The following ABHD17B variants were observed in gnomAD, a reference collection of about 807,000 sequenced individuals.
ABHD17B encodes abhydrolase domain containing 17B, depalmitoylase, also known as alpha/beta hydrolase domain-containing protein 17B.
ABHD17B carries 9 observed loss-of-function variants against 26.2 expected under a neutral mutation model. That is an observed-to-expected ratio of 0.34 (90% confidence interval 0.21 to 0.60). ABHD17B has a LOEUF of 0.60. ABHD17B is among the 20% of genes least tolerant of loss of function. ABHD17B has a pLI of 0.80. For missense variants in ABHD17B, 224 were observed against 352.1 expected (o/e 0.64, Z 2.91); for synonymous variants, 127 against 122.3 (o/e 1.04, Z -0.25).
intron 1 of ABHD17B, among the ~76,000 whole-genome samples, chr9:71,885,888 T>C (rs956716047): frequency 3.9e-5 from 6 of 152,306 alleles, no homozygotes; most frequent in East Asian, 3.9e-4. Context: ...CTAATTATTA[T>C]AAGGTTTAAG....
intron 1 of ABHD17B, among the ~76,000 whole-genome samples, chr9:71,903,613 A>C (rs1031880623): frequency 6.6e-6 from 1 of 152,240 alleles, no homozygotes; most frequent in Non-Finnish European, 1.5e-5. Flanking sequence ...AAGACATTCT[A>C]TAAGTACAAA....
intron 1 of ABHD17B, among the ~76,000 whole-genome samples, chr9:71,887,893 A>T (rs1281878569): frequency 2.0e-5 from 3 of 152,198 alleles, no homozygotes; most frequent in African/African-American, 7.2e-5. Context: ...CCCAATTCTA[A>T]CATAAAAGCC....
intron 1 of ABHD17B, among the ~76,000 whole-genome samples, chr9:71,883,697 G>T (rs1826517034): frequency 6.6e-6 from 1 of 152,332 alleles, no homozygotes; most frequent in Middle Eastern, 3.4e-3. Flanking sequence ...AGCACTTTGG[G>T]AGGACAAGGC....
At chr9:71,882,467 T>G (rs534171971) in intron 1 of ABHD17B, among the ~76,000 whole-genome samples, 82 of 152,256 alleles carry the variant, frequency 5.4e-4, no homozygotes, top group Admixed American at 9.8e-4. Flanking sequence ...AAGACCAGCC[T>G]GGCCAACATG....
At chr9:71,875,577 T>C (rs1051229638) in intron 1 of ABHD17B, among the ~76,000 whole-genome samples, 3 of 152,168 alleles carry the variant, frequency 2.0e-5, no homozygotes, top group Non-Finnish European at 4.4e-5. Flanking sequence ...CAAATATTCC[T>C]GACCAGCAGA....
chr9:71,901,190 G>A (rs1319454756), intron 1 of ABHD17B, among the ~76,000 whole-genome samples: 1 of 151,538 alleles, frequency 6.6e-6, no homozygotes, highest in East Asian at 1.9e-4. Flanking sequence ...TTTTTTGCAT[G>A]TATCTGTATC....
At chr9:71,904,735 G>A (rs562206269) in intron 1 of ABHD17B, among the ~76,000 whole-genome samples, 46 of 151,982 alleles carry the variant, frequency 3.0e-4, no homozygotes, top group African/African-American at 1.0e-3. Flanking sequence ...TCAAAAAACA[G>A]GTAAAGTAAA....
chr9:71,898,575 G>T (rs1315555272), intron 1 of ABHD17B, among the ~76,000 whole-genome samples: 2 of 152,162 alleles, frequency 1.3e-5, no homozygotes, highest in African/African-American at 2.4e-5. Context: ...GGAAGCGAAG[G>T]CTGCGGTGAG....
At chr9:71,904,677 A>G (rs539613680) in intron 1 of ABHD17B, among the ~76,000 whole-genome samples, 14 of 152,348 alleles carry the variant, frequency 9.2e-5, no homozygotes, top group South Asian at 2.1e-4. Flanking sequence ...CAGATGAAAC[A>G]TAAGAATCAG....
In ABHD17B at chr9:71,865,472, T is replaced by C; in HGVS notation, c.*1315A>G. On this transcript the variant is annotated 3_prime_UTR_variant, in exon 4 of 4. Coordinates refer to ENST00000333421, the MANE Select transcript of ABHD17B (RefSeq NM_001025780.3). The stretch of plus-strand genomic sequence containing the variant: ...TATTTTTTTACTATATTGGTTAATA[T>C]AAAAGTTATGAATTAAACGTATTCT... 2.0e-6 allele frequency: 2 copies of C among 983,690 alleles called. No homozygotes were observed. Among genetic ancestry groups the C allele is most frequent in the Non-Finnish European group, 2.4e-6 (2 of 828,318 alleles). 60.9% of individuals were successfully genotyped at this position (983,690 alleles called of 1,614,324 possible). A position where few individuals can be genotyped will look rare whatever the true frequency, so the allele number is the denominator to read the frequency against.
At chr9:71,906,280 T>C (rs1471132470) in intron 1 of ABHD17B, among the ~76,000 whole-genome samples, 1 of 152,210 alleles carries the variant, frequency 6.6e-6, no homozygotes, top group Non-Finnish European at 1.5e-5. Context: ...TGCACTTTTA[T>C]TTCTGTTTAA....
intron 1 of ABHD17B, among the ~76,000 whole-genome samples, chr9:71,901,119 T>G (rs1188133960): frequency 6.6e-6 from 1 of 152,106 alleles, no homozygotes; most frequent in Non-Finnish European, 1.5e-5. Context: ...GCCACTGCAC[T>G]CCAGCCTGGA....
chr9:71,868,402 T>C (rs1826018736), intron 3 of ABHD17B, among the ~76,000 whole-genome samples: 2 of 152,124 alleles, frequency 1.3e-5, no homozygotes, highest in African/African-American at 4.8e-5. Flanking sequence ...AGGAGAACAC[T>C]TCAAATAACA....
intron 1 of ABHD17B, among the ~76,000 whole-genome samples, chr9:71,900,863 G>A (rs919383822): frequency 6.6e-6 from 1 of 151,726 alleles, no homozygotes; most frequent in African/African-American, 2.4e-5. Context: ...AAAAATGTTT[G>A]CATGGGCTGG....
rs528403007 is a variant in ABHD17B at position 71,898,177 on chromosome 9, C to A, written c.-4+12457G>T. 3.9e-5 allele frequency among the ~76,000 whole-genome samples: 6 copies of A among 152,094 alleles called. No homozygotes were observed. In the South Asian group the frequency reaches 1.2e-3, roughly 32 times the overall value. ...GAGTAGATTTTAAGCTTTCAGAAAT[C>A]AGAAGACAGCAGAGATCAAGAATTA... On this transcript the variant is annotated intron_variant, in intron 1 of 3. Coordinates refer to ENST00000333421, the MANE Select transcript of ABHD17B (RefSeq NM_001025780.3).
rs1826706971 is a variant in ABHD17B, at chr9:71,889,292, G to A, written c.-3-14209C>T. 6.0e-5 allele frequency among the ~76,000 whole-genome samples: 9 copies of A among 150,142 alleles called. No homozygotes were observed. The Admixed American group carries it at 6.0e-4, about 10-fold the overall frequency. ...AGATTGCACCACTGCACTCCAGCCT[G>A]GACGACAGTGCGAGACTCCGTCTAA... On this transcript the variant is annotated intron_variant, in intron 1 of 3. Coordinates refer to ENST00000333421, the MANE Select transcript of ABHD17B (RefSeq NM_001025780.3).
At chr9:71,868,933 C>T (rs980192910) in intron 3 of ABHD17B, among the ~76,000 whole-genome samples, 3 of 152,152 alleles carry the variant, frequency 2.0e-5, no homozygotes, top group African/African-American at 7.2e-5. Context: ...AAGTGATCCA[C>T]CCGCCACGGC....
intron 1 of ABHD17B, among the ~76,000 whole-genome samples, chr9:71,886,623 G>A (rs943680356): frequency 6.6e-5 from 10 of 152,034 alleles, no homozygotes; most frequent in Admixed American, 2.0e-4. Context: ...AGGCTCAAGC[G>A]ATCCTCCTAC....
chr9:71,900,472 A>G (rs1827099178), intron 1 of ABHD17B, among the ~76,000 whole-genome samples: 1 of 151,876 alleles, frequency 6.6e-6, no homozygotes, highest in Admixed American at 6.5e-5. Flanking sequence ...CAATAGGGTG[A>G]AACCCCGTCT....
Sources: allele counts gnomAD v4.1 joint callset (sites outside exome capture counted in the v4.1 genomes callset), GRCh38; gene constraint gnomAD v4.1.1; transcripts MANE v1.5; gene names NCBI Gene and HGNC (gene_info 2026-07-23, HGNC 2026-07-21).